The following RBM47 variants were observed in gnomAD, a reference collection of about 807,000 sequenced individuals.
The protein encoded by RBM47 is RNA binding motif protein 47, also known as RNA-binding protein 47.
Under a neutral mutation model 47.1 loss-of-function variants are expected in RBM47, and 21 were observed. The ratio of observed to expected loss-of-function variants is 0.45; its 90% CI spans 0.32 to 0.64. RBM47 has a LOEUF of 0.64. Among genes scored for constraint, RBM47 ranks in the 30% least tolerant of loss-of-function variants. The pLI is 0.05. For missense variants in RBM47, 708 were observed against 870.9 expected, an observed-to-expected ratio of 0.81 and a Z score of 2.35; for synonymous variants, 375 against 361.7, an observed-to-expected ratio of 1.04 and a Z score of -0.42.
intron 2 of RBM47, among the ~76,000 whole-genome samples, chr4:40,513,474 A>G (rs1178558824): frequency 6.6e-6 from 1 of 152,244 alleles, no homozygotes; most frequent in East Asian, 1.9e-4. Flanking sequence ...TAACACAGTT[A>G]CTGCTATCTG....
In RBM47 at chr4:40,443,829, AT is replaced by A. The variant is rs1041577438; in HGVS notation, c.-31-4906del. ...TTTATTCTCCTTATCATCATGTTTA[AT>A]ATACCATATTAAATAAATTATATGG... On this transcript the variant is annotated intron_variant, in intron 3 of 6. Transcript: ENST00000295971. 1.1e-4 allele frequency among the ~76,000 whole-genome samples: 16 copies of A among 150,668 alleles called. No homozygotes were observed. The Admixed American group carries it at 1.1e-3, about 10-fold the overall frequency.
rs1181686382 is a variant in RBM47 at position 40,576,266 on chromosome 4, C to T, written c.-239-31760G>A. Reference sequence around the variant, plus strand: ...TTTTTTTTTTTTTTTTGGGGGGGGGCGGAGACAGGGTCTCCCCCTGTCACC... The same window carrying T: ...TTTTTTTTTTTTTTTTGGGGGGGGGTGGAGACAGGGTCTCCCCCTGTCACC... On this transcript the variant is annotated intron_variant, in intron 1 of 6. Coordinates refer to ENST00000295971, the MANE Select transcript of RBM47 (RefSeq NM_001098634.2). Among the ~76,000 whole-genome samples, 62 of 98,932 alleles carry T rather than the reference C, an allele frequency of 6.3e-4. 1 individual carries two copies. The East Asian group carries it at 1.0e-2, about 16-fold the overall frequency. The allele number at this position is 98,932 out of a possible 152,430, so 64.9% of individuals were successfully genotyped here. A position where few individuals can be genotyped will look rare whatever the true frequency, so the allele number is the denominator to read the frequency against.
chr4:40,595,093 G>A (rs1021625308), intron 1 of RBM47, among the ~76,000 whole-genome samples: 5 of 152,110 alleles, frequency 3.3e-5, no homozygotes, highest in South Asian at 2.1e-4. Flanking sequence ...CAAGCACCCC[G>A]TGTGCTTAAC....
At chr4:40,549,076 C>A (rs552773265) in intron 1 of RBM47, among the ~76,000 whole-genome samples, 209 of 151,770 alleles carry the variant, frequency 1.4e-3, no homozygotes, top group Middle Eastern at 3.4e-3. Flanking sequence ...CAATCAAAAG[C>A]CACACATGAC....
intron 2 of RBM47, among the ~76,000 whole-genome samples, chr4:40,528,961 T>G (rs555478066): frequency 1.4e-5 from 2 of 146,220 alleles, no homozygotes; most frequent in East Asian, 2.0e-4. Context: ...AATAAATAAA[T>G]AAATAAATAA....
At chr4:40,444,082 C>T (rs928225763) in intron 3 of RBM47, among the ~76,000 whole-genome samples, 10 of 151,896 alleles carry the variant, frequency 6.6e-5, no homozygotes, top group Non-Finnish European at 1.3e-4. Context: ...GCCTGTAGTC[C>T]CAGCTATTTG....
chr4:40,432,696 G>GGCGGCTGCGGCC lies in RBM47; in HGVS notation c.1485_1496dup (p.Ala499_Ala502dup), dbSNP rs528269773. ...ACACAGTGGGAATGACAGCGGCTGCGGCGGCTGCGGCCGCGGCTGCGGCGG... is the reference window on the plus strand; with the variant it reads ...ACACAGTGGGAATGACAGCGGCTGCGGCGGCTGCGGCCGCGGCTGCGGCCGCGGCTGCGGCGG... On this transcript the variant is annotated inframe_insertion, in exon 6 of 7. Transcript: ENST00000295971. 3.4e-5 allele frequency: 55 copies of GGCGGCTGCGGCC among 1,599,290 alleles called. No individual in the cohort carries two copies. Among genetic ancestry groups the GGCGGCTGCGGCC allele is most frequent in the Admixed American group, 3.3e-4 (19 of 58,318 alleles).
intron 2 of RBM47, among the ~76,000 whole-genome samples, chr4:40,514,266 G>A (rs1211674699): frequency 6.6e-6 from 1 of 151,970 alleles, no homozygotes; most frequent in African/African-American, 2.4e-5. Flanking sequence ...AAAATCTCAA[G>A]CACAAGTAGG....
chr4:40,524,686 G>A (rs1297738274), intron 2 of RBM47, among the ~76,000 whole-genome samples: 2 of 152,152 alleles, frequency 1.3e-5, no homozygotes, highest in African/African-American at 2.4e-5. Flanking sequence ...CACAGACACC[G>A]CTCAGCTCAC....
intron 2 of RBM47, among the ~76,000 whole-genome samples, chr4:40,479,231 A>G (rs1240227583): frequency 6.6e-6 from 1 of 152,246 alleles, no homozygotes; most frequent in African/African-American, 2.4e-5. Context: ...GAAGAATTAA[A>G]CAATGGACAT....
chr4:40,613,020 G>A (rs945071768), intron 1 of RBM47, among the ~76,000 whole-genome samples: 1 of 152,172 alleles, frequency 6.6e-6, no homozygotes, highest in African/African-American at 2.4e-5. Context: ...TTTCTTCAAA[G>A]GAAAGTCAGC....
intron 1 of RBM47, among the ~76,000 whole-genome samples, chr4:40,566,504 G>C (rs552963696): frequency 1.3e-5 from 2 of 151,904 alleles, no homozygotes; most frequent in African/African-American, 2.4e-5. Context: ...AATTAGCCGG[G>C]TATGGTGGCG....
At chr4:40,603,668 C>A (rs1043598230) in intron 1 of RBM47, among the ~76,000 whole-genome samples, 2 of 151,768 alleles carry the variant, frequency 1.3e-5, no homozygotes, top group Non-Finnish European at 2.9e-5. Flanking sequence ...AATGGCATGA[C>A]CTTGGCTCAC....
At chr4:40,437,128 AT>A (rs1712705466) in intron 4 of RBM47, among the ~76,000 whole-genome samples, 1 of 98,428 alleles carries the variant, frequency 1.0e-5, no homozygotes, top group African/African-American at 4.5e-5. Flanking sequence ...ATATATATAT[AT>A]ATAAAATACA....
chr4:40,540,169 C>T (rs977923677), intron 2 of RBM47, among the ~76,000 whole-genome samples: 1 of 152,198 alleles, frequency 6.6e-6, no homozygotes, highest in South Asian at 2.1e-4. Context: ...GGAAAATATG[C>T]TTGCTGTGGC....
At chr4:40,587,922 C>A (rs993972343) in intron 1 of RBM47, among the ~76,000 whole-genome samples, 1 of 152,198 alleles carries the variant, frequency 6.6e-6, no homozygotes, top group East Asian at 1.9e-4. Context: ...ACTAAGCCAG[C>A]CCTGAAATGG....
intron 1 of RBM47, among the ~76,000 whole-genome samples, chr4:40,618,818 AAAAAAAAAAAAAAAAAG>A (rs1736983921): frequency 6.7e-6 from 1 of 150,326 alleles, no homozygotes; most frequent in South Asian, 2.1e-4. Context: ...CAAAAAAAAA[AAAAAAAAAAAAAAAAAG>A]GGAAACTTCC....
chr4:40,432,422 T>C (rs1011986547), intron 6 of RBM47, among the ~76,000 whole-genome samples: 3 of 152,142 alleles, frequency 2.0e-5, no homozygotes, highest in African/African-American at 7.2e-5. Context: ...TACACATAAT[T>C]TTTGCATATT....
rs1257198487 is a variant in RBM47, at chr4:40,423,658, T to TTC, written c.*2244_*2245dup. ...TTTTTTATTCTTTCTTTCTTTTTCT[T>TTC]TCTTTCTTTCTTTCTTTCTTTCTTT... On this transcript the variant is annotated 3_prime_UTR_variant, in exon 7 of 7. Transcript: ENST00000295971. 8 of 26,568 alleles carry TTC rather than the reference T, an allele frequency of 3.0e-4. No homozygotes were observed. Among genetic ancestry groups the TTC allele is most frequent in the African/African-American group, 1.2e-3 (8 of 6,550 alleles). 1.6% of individuals were successfully genotyped at this position (26,568 alleles called of 1,614,324 possible).
Sources: allele counts gnomAD v4.1 joint callset (sites outside exome capture counted in the v4.1 genomes callset), GRCh38; gene constraint gnomAD v4.1.1; transcripts MANE v1.5; gene names NCBI Gene and HGNC (gene_info 2026-07-23, HGNC 2026-07-21).